The following TDRD3 variants were observed in gnomAD, a reference collection of about 807,000 sequenced individuals.
TDRD3 encodes tudor domain-containing protein 3.
TDRD3 carries 45 observed loss-of-function variants against 86.7 expected under a neutral mutation model. That is an observed-to-expected ratio of 0.52 (90% CI 0.41 to 0.67). The LOEUF is 0.67. TDRD3 is among the 30% of genes least tolerant of loss of function. The pLI, the probability that TDRD3 is intolerant of heterozygous loss-of-function variation, is 0.00. For synonymous variants in TDRD3, 298 were observed against 301.7 expected, an observed-to-expected ratio of 0.99 and a Z score of 0.13; for missense variants, 814 against 889.0, an observed-to-expected ratio of 0.92 and a Z score of 1.07.
At chr13:60,439,875 A>T (rs892326356) in intron 2 of TDRD3, 103 bp downstream of exon 2, 26 of 667,472 alleles carry the variant, frequency 3.9e-5, no homozygotes, top group South Asian at 2.6e-4. Context: ...TATAGAGAAC[A>T]TCTTTCTTAT....
intron 8 of TDRD3, among the ~76,000 whole-genome samples, chr13:60,505,723 T>G (rs1350179196): frequency 6.6e-6 from 1 of 152,110 alleles, no homozygotes; most frequent in Non-Finnish European, 1.5e-5. Flanking sequence ...GCACGAGAAC[T>G]TTGTGAAGCA....
At chr13:60,510,602 T>C in intron 9 of TDRD3, 28 bp from the exon 10 acceptor site, 1 of 1,575,368 alleles carries the variant, frequency 6.3e-7, no homozygotes, top group Admixed American at 1.9e-5. Context: ...GCATATACAG[T>C]ACATATTTCT....
chr13:60,473,344 C>G (rs1238272919), intron 5 of TDRD3, among the ~76,000 whole-genome samples: 1 of 152,182 alleles, frequency 6.6e-6, no homozygotes, highest in East Asian at 1.9e-4. Context: ...GTTACAATGG[C>G]AATTACATTT....
At chr13:60,443,172 G>A (rs1401750610) in intron 2 of TDRD3, among the ~76,000 whole-genome samples, 1 of 151,928 alleles carries the variant, frequency 6.6e-6, no homozygotes, top group African/African-American at 2.4e-5. Flanking sequence ...TTTATTGAGT[G>A]CTTACTCTGT....
chr13:60,403,211 G>C (rs1343153496), intron 1 of TDRD3, among the ~76,000 whole-genome samples: 1 of 151,692 alleles, frequency 6.6e-6, no homozygotes, highest in Non-Finnish European at 1.5e-5. Context: ...TAAGCATAAA[G>C]GGGGTATAAA....
At chr13:60,471,476 G>A (rs1170947679) in intron 5 of TDRD3, among the ~76,000 whole-genome samples, 1 of 151,830 alleles carries the variant, frequency 6.6e-6, no homozygotes, top group Non-Finnish European at 1.5e-5. Context: ...ACCTTTTTCA[G>A]GATTGTTTTG....
At chr13:60,399,420 ATCTT>A (rs1954034863) in intron 1 of TDRD3, among the ~76,000 whole-genome samples, 1 of 152,218 alleles carries the variant, frequency 6.6e-6, no homozygotes, top group Admixed American at 6.5e-5. Flanking sequence ...TAAAAACACT[ATCTT>A]TCTAGGAATT....
At position 60,484,519 on chromosome 13, in the gene TDRD3, A is replaced by G. The variant is rs142878043; in HGVS notation, c.567+673A>G. Among the ~76,000 whole-genome samples, 89 of 151,734 alleles carry G rather than the reference A, an allele frequency of 5.9e-4. 1 individual carries two copies. Among genetic ancestry groups the G allele is most frequent in the African/African-American group, 2.1e-3 (86 of 41,518 alleles). ...TAGGCAACAGATCTGTGTTTCCATA[A>G]TAAGGTTTATCGTGTGTGTGTGTGT... On this transcript the variant is annotated intron_variant, in intron 6 of 13. Coordinates refer to ENST00000377881, the MANE Select transcript of TDRD3 (RefSeq NM_001146070.2).
At chr13:60,546,440 G>T (rs1208788998) in intron 12 of TDRD3, among the ~76,000 whole-genome samples, 1 of 151,950 alleles carries the variant, frequency 6.6e-6, no homozygotes, top group African/African-American at 2.4e-5. Context: ...TCTAAATTTT[G>T]TTATAGAAGT....
chr13:60,500,367 T>C (rs971714160), intron 8 of TDRD3, among the ~76,000 whole-genome samples: 4 of 152,194 alleles, frequency 2.6e-5, no homozygotes, highest in African/African-American at 9.6e-5. Context: ...CAAATGTCCA[T>C]GGTCTCCAAT....
intron 7 of TDRD3, among the ~76,000 whole-genome samples, chr13:60,492,696 G>A (rs1050198597): frequency 6.6e-6 from 1 of 151,744 alleles, no homozygotes; most frequent in African/African-American, 2.4e-5. Flanking sequence ...TTTTTGCTGG[G>A]ATTCCATAAA....
chr13:60,411,306 C>T (rs1045045931), intron 1 of TDRD3, among the ~76,000 whole-genome samples: 5 of 152,110 alleles, frequency 3.3e-5, no homozygotes, highest in Non-Finnish European at 7.3e-5. Context: ...TTTACAGTTA[C>T]AGGGTAATGA....
chr13:60,525,991 G>C (rs1302974570), intron 10 of TDRD3, among the ~76,000 whole-genome samples: 1 of 152,070 alleles, frequency 6.6e-6, no homozygotes. Flanking sequence ...CCTTTTAGAA[G>C]AATTGAAATC....
At chr13:60,444,651 A>G in intron 2 of TDRD3, 32 bp from the exon 3 acceptor site, 1 of 1,177,286 alleles carries the variant, frequency 8.5e-7, no homozygotes, top group Non-Finnish European at 1.2e-6. Flanking sequence ...CTTTTCTATA[A>G]TTCCATTTTA....
At chr13:60,572,062 G>T (rs1402834408) in intron 13 of TDRD3, among the ~76,000 whole-genome samples, 1 of 152,160 alleles carries the variant, frequency 6.6e-6, no homozygotes. Flanking sequence ...CCAAAACTTT[G>T]TGCGTTTGGA....
chr13:60,407,725 T>G (rs1397975788), intron 1 of TDRD3, among the ~76,000 whole-genome samples: 1 of 152,224 alleles, frequency 6.6e-6, no homozygotes, highest in Non-Finnish European at 1.5e-5. Flanking sequence ...TTTTCAGAAC[T>G]ATTTCTTTCA....
At chr13:60,523,728 C>T (rs1029423284) in intron 10 of TDRD3, among the ~76,000 whole-genome samples, 3 of 151,980 alleles carry the variant, frequency 2.0e-5, no homozygotes, top group African/African-American at 7.2e-5. Flanking sequence ...AGGTGCATGC[C>T]ACCACGCCCA....
chr13:60,399,595 T>G (rs1954038677), intron 1 of TDRD3, among the ~76,000 whole-genome samples: 1 of 152,256 alleles, frequency 6.6e-6, no homozygotes, highest in African/African-American at 2.4e-5. Context: ...AGGGAAAATT[T>G]CTGACTGAAG....
At position 60,491,810 on chromosome 13, in the gene TDRD3, T is replaced by A. The variant is rs80194016; in HGVS notation, c.718-2625T>A. 2.8e-4 allele frequency among the ~76,000 whole-genome samples: 43 copies of A among 151,978 alleles called. 1 individual carries two copies. In the South Asian group the frequency reaches 7.9e-3, roughly 28 times the overall value. On this transcript the variant is annotated intron_variant, in intron 7 of 13. Coordinates refer to ENST00000377881, the MANE Select transcript of TDRD3 (RefSeq NM_001146070.2). ...GATTATTTCAGGTTTTTTTTTTTTT[T>A]AATAAGGAAGTAAGCATGGTCAACA... is the stretch of plus-strand genomic sequence containing the variant.
Sources: gnomAD v4.1 joint callset for allele counts (sites outside exome capture counted in the v4.1 genomes callset) on GRCh38, gnomAD v4.1.1 for gene constraint, MANE v1.5 for transcripts, NCBI Gene and HGNC (gene_info 2026-07-23, HGNC 2026-07-21) for gene names.